Variants in GRAMD4 observed in about 807,000 individuals in gnomAD.
GRAMD4 encodes the protein GRAM domain containing 4, also known as GRAM domain-containing protein 4.
A neutral mutation model predicts 83.9 loss-of-function variants in GRAMD4; 25 were observed. The ratio of observed to expected loss-of-function variants is 0.30; its 90% CI spans 0.22 to 0.42. GRAMD4 has a LOEUF of 0.42. GRAMD4 is among the 10% of genes least tolerant of loss of function. The probability of loss-of-function intolerance (pLI) is 1.00; values close to 1 mark genes in which losing one functional copy is unlikely to be tolerated. For synonymous variants in GRAMD4, 336 were observed against 320.9 expected (o/e 1.05, Z -0.50); for missense variants, 593 against 788.7 (o/e 0.75, Z 2.97).
chr22:46,598,117 A>G (rs6520046), intron 1 of GRAMD4, among the ~76,000 whole-genome samples: 136,954 of 152,098 alleles, frequency 0.9, 62,005 homozygotes, highest in East Asian at 1. Context: ...GAGTAGCTGG[A>G]ATTTCAGGTG....
At chr22:46,594,314 T>C (rs1602307182) in intron 1 of GRAMD4, among the ~76,000 whole-genome samples, 1 of 120,848 alleles carries the variant, frequency 8.3e-6, no homozygotes, top group Admixed American at 8.6e-5. Flanking sequence ...GGGCCCCTCC[T>C]CCCTGCCCCT....
intron 5 of GRAMD4, 21 bp from the exon 6 acceptor site, chr22:46,663,019 C>G: frequency 6.3e-7 from 1 of 1,588,888 alleles, no homozygotes; most frequent in South Asian, 1.1e-5. Context: ...CGTGCCCTCA[C>G]CGGGTCCCTG....
Position 46,621,107 on chromosome 22 carries a change from G to A in GRAMD4, c.-50+542G>A, listed in dbSNP as rs1401188277. 1.3e-5 allele frequency among the ~76,000 whole-genome samples: 2 copies of A among 151,990 alleles called. No individual in the cohort carries two copies. The highest frequency in any genetic ancestry group is 2.9e-5 in the Non-Finnish European group (2 of 67,962). On this transcript the variant is annotated intron_variant, in intron 1 of 18. Coordinates refer to ENST00000406902, the MANE Select transcript of GRAMD4 (RefSeq NM_015124.5). The surrounding 1 kb of genome is among the most constrained non-coding windows in gnomAD (Gnocchi z 5.8). ...GGGTGGGGATGGGCAGCTAGAAGTG[G>A]GGAGGGCAGGGGCCGTCTGGTTGGG...
At chr22:46,618,340 C>T (rs1453437322), upstream of GRAMD4, among the ~76,000 whole-genome samples, 2 of 152,124 alleles carry the variant, frequency 1.3e-5, no homozygotes, top group Non-Finnish European at 1.5e-5. The surrounding 1 kb of genome is among the most constrained non-coding windows in gnomAD (Gnocchi z 5.8). Context: ...AGGAAGCCAT[C>T]AGGGCAATCC....
At position 46,661,453 on chromosome 22, in the gene GRAMD4, G is replaced by A. The variant is rs2082325656; in HGVS notation, c.466+11G>A. On this transcript the variant is annotated intron_variant, in intron 5 of 18. Coordinates refer to ENST00000406902, the MANE Select transcript of GRAMD4 (RefSeq NM_015124.5). Reference sequence around the variant, plus strand: ...CCAGCAATGGAGCAGGTACACCCTGGTGGGCGGGTGGACAGGCAGGCGGGC... The same window carrying A: ...CCAGCAATGGAGCAGGTACACCCTGATGGGCGGGTGGACAGGCAGGCGGGC... 1 of 1,599,050 alleles carries A rather than the reference G, an allele frequency of 6.3e-7. No homozygotes were observed. Among genetic ancestry groups the A allele is most frequent in the Non-Finnish European group, 8.5e-7 (1 of 1,171,430 alleles).
intron 1 of GRAMD4, among the ~76,000 whole-genome samples, chr22:46,603,807 GC>G (rs1419714370): frequency 6.6e-6 from 1 of 151,974 alleles, no homozygotes; most frequent in Non-Finnish European, 1.5e-5. Context: ...TGACCACCGC[GC>G]CCAGCCTCGG....
chr22:46,666,935 C>A (rs2082418724), intron 10 of GRAMD4, 62 bp downstream of exon 10: 33 of 1,201,454 alleles, frequency 2.7e-5, no homozygotes, highest in Non-Finnish European at 3.9e-5. Flanking sequence ...GCCTCACAGC[C>A]TGTAGGCACC....
At chr22:46,592,084 C>T (rs5769003) in intron 1 of GRAMD4, among the ~76,000 whole-genome samples, 13,170 of 151,956 alleles carry the variant, frequency 0.087, 708 homozygotes, top group East Asian at 0.27. Context: ...GTTGATGTCA[C>T]GGGAGTCGAG....
At chr22:46,637,697 A>C in intron 2 of GRAMD4, 143 bp from the exon 3 acceptor site, 1 of 780,288 alleles carries the variant, frequency 1.3e-6, no homozygotes, top group Non-Finnish European at 2.0e-6. Context: ...CGTCGTCCCC[A>C]TGTCCAGAAA....
Position 46,677,721 on chromosome 22 carries a change from A to G in GRAMD4, c.*470A>G, listed in dbSNP as rs2082619881. ...TCCTGGGGACAGAAAGATGTCGTCA[A>G]GGAGGGACATGGGGGCCTTTCACCA... On this transcript the variant is annotated 3_prime_UTR_variant, in exon 19 of 19. Transcript: ENST00000406902. 10 of 986,356 alleles carry G rather than the reference A, an allele frequency of 1.0e-5. No individual in the cohort carries two copies. The highest frequency in any genetic ancestry group is 9.4e-5 in the South Asian group (2 of 21,304). The allele number at this position is 986,356 out of a possible 1,614,324, so 61.1% of individuals were successfully genotyped here.
At position 46,620,489 on chromosome 22, in the gene GRAMD4, C is replaced by T. The variant is rs1601575329; in HGVS notation, c.-126C>T. ...GGCTATGGTTCCTGGGTCCTCGTAG[C>T]ACATCCTGGTTCTGGGCCAGGACCT... On this transcript the variant is annotated 5_prime_UTR_variant, in exon 1 of 19. Transcript: ENST00000406902. The surrounding 1 kb of genome is among the most constrained non-coding windows in gnomAD (Gnocchi z 4.7). 1 of 983,598 alleles carries T rather than the reference C, an allele frequency of 1.0e-6. No individual in the cohort carries two copies. The highest frequency in any genetic ancestry group is 1.1e-4 in the East Asian group (1 of 8,714). 60.9% of individuals were successfully genotyped at this position (983,598 alleles called of 1,614,324 possible).
intron 2 of GRAMD4, among the ~76,000 whole-genome samples, chr22:46,631,478 G>A (rs1183174862): frequency 8.7e-6 from 1 of 114,924 alleles, no homozygotes; most frequent in Admixed American, 8.9e-5. Context: ...CACGGCCTGT[G>A]TCCTTTCGTC....
chr22:46,659,282 T>C lies in GRAMD4; in HGVS notation c.404+975T>C, dbSNP rs2082293647. 7.4e-6 allele frequency among the ~76,000 whole-genome samples: 1 copy of C among 134,366 alleles called. No individual in the cohort carries two copies. The highest frequency in any genetic ancestry group is 2.8e-5 in the African/African-American group (1 of 35,162). The allele number at this position is 134,366 out of a possible 152,430, so 88.1% of individuals were successfully genotyped here. Reference sequence around the variant, plus strand: ...CTCCACCCTCAGTTTCTGCCCAGCCTCCCCCCAGCATCATCTTCAGCCTCC... The same window carrying C: ...CTCCACCCTCAGTTTCTGCCCAGCCCCCCCCCAGCATCATCTTCAGCCTCC... On this transcript the variant is annotated intron_variant, in intron 4 of 18. Transcript: ENST00000406902. This position sits in a 1 kb window ranked among gnomAD's most constrained non-coding sequence, Gnocchi z 4.1.
At chr22:46,581,094 T>A (rs1456184298) in intron 1 of GRAMD4, among the ~76,000 whole-genome samples, 1 of 152,224 alleles carries the variant, frequency 6.6e-6, no homozygotes, top group Non-Finnish European at 1.5e-5. Context: ...TTTGGGCTGG[T>A]AATTCGCCAC....
In GRAMD4 at chr22:46,669,065, G is replaced by A. The variant is rs566577230; in HGVS notation, c.1084+157G>A. The stretch of plus-strand genomic sequence containing the variant: ...AATGTTTCAATTTGGGAGAAGTGAA[G>A]CCCATCCGAGATCGAGGGACACGGT... On this transcript the variant is annotated intron_variant, in intron 13 of 18. Coordinates refer to ENST00000406902, the MANE Select transcript of GRAMD4 (RefSeq NM_015124.5). Among the ~76,000 whole-genome samples the A allele has an allele frequency of 1.3e-4, 20 of 152,218 alleles. No homozygotes were observed. In the South Asian group the frequency reaches 3.9e-3, roughly 30 times the overall value.
At chr22:46,654,498 A>G (rs1242433076) in intron 3 of GRAMD4, among the ~76,000 whole-genome samples, 1 of 152,146 alleles carries the variant, frequency 6.6e-6, no homozygotes, top group Non-Finnish European at 1.5e-5. Flanking sequence ...CCGGCCCTCA[A>G]GTGGCTCCAC....
intron 13 of GRAMD4, among the ~76,000 whole-genome samples, chr22:46,671,643 A>G (rs1185792168): frequency 1.3e-5 from 2 of 148,926 alleles, no homozygotes; most frequent in African/African-American, 5.0e-5. Flanking sequence ...GCGACAGAGC[A>G]AGACTCCGTC....
chr22:46,585,554 G>A (rs755140907), intron 1 of GRAMD4, among the ~76,000 whole-genome samples: 2 of 152,228 alleles, frequency 1.3e-5, no homozygotes, highest in Non-Finnish European at 2.9e-5. Flanking sequence ...TCCGGTCACA[G>A]CACCCCAAGG....
At chr22:46,673,143 T>A in intron 14 of GRAMD4, 146 bp downstream of exon 14, 1 of 714,774 alleles carries the variant, frequency 1.4e-6, no homozygotes, top group Non-Finnish European at 2.2e-6. Flanking sequence ...AGGGTTTTTT[T>A]TTTCCCTGTT....
Sources: allele counts gnomAD v4.1 joint callset (sites outside exome capture counted in the v4.1 genomes callset), GRCh38; gene constraint gnomAD v4.1.1; non-coding constraint Gnocchi (gnomAD v3.1); transcripts MANE v1.5; gene names NCBI Gene and HGNC (gene_info 2026-07-23, HGNC 2026-07-21).